The following KCNS3 variants were observed in gnomAD, a reference collection of about 807,000 sequenced individuals.
KCNS3 encodes the protein potassium voltage-gated channel modifier subfamily S member 3.
A neutral mutation model predicts 31.0 loss-of-function variants in KCNS3; 13 were observed. The observed-to-expected ratio is 0.42, with a 90% CI of 0.27 to 0.67. The LOEUF (loss-of-function observed/expected upper bound fraction) is 0.67, where lower values mean the gene tolerates loss of function less well. Among genes scored for constraint, KCNS3 ranks in the 30% least tolerant of loss-of-function variants. The pLI is 0.25. For synonymous variants in KCNS3, 238 were observed against 241.5 expected (o/e 0.99, Z 0.13); for missense variants, 545 against 622.4 (o/e 0.88, Z 1.32).
intron 1 of KCNS3, among the ~76,000 whole-genome samples, chr2:17,916,233 T>C (rs1465654742): frequency 2.0e-5 from 3 of 152,280 alleles, no homozygotes; most frequent in Non-Finnish European, 4.4e-5. Context: ...AAAGGAAAAC[T>C]ATGTGTGTGC....
chr2:17,927,686 T>G (rs1187653245), intron 2 of KCNS3, among the ~76,000 whole-genome samples: 2 of 152,134 alleles, frequency 1.3e-5, no homozygotes, highest in African/African-American at 4.8e-5. Flanking sequence ...AAGAACAGCA[T>G]GGGGAAACCA....
At chr2:17,879,540 C>CTT (rs34167571) in intron 1 of KCNS3, 27 of 147,606 alleles carry the variant, frequency 1.8e-4, no homozygotes, top group Admixed American at 4.0e-4. Flanking sequence ...AGGAACTCCT[C>CTT]TTTTTTTTTT....
chr2:17,929,480 T>C (rs1053899803), intron 2 of KCNS3, among the ~76,000 whole-genome samples: 1 of 152,182 alleles, frequency 6.6e-6, no homozygotes, highest in African/African-American at 2.4e-5. Flanking sequence ...TGGGGGATGA[T>C]GCTAAGCCAT....
At chr2:17,886,827 G>A (rs1239088345) in intron 1 of KCNS3, among the ~76,000 whole-genome samples, 2 of 151,172 alleles carry the variant, frequency 1.3e-5, no homozygotes, top group Non-Finnish European at 2.9e-5. Context: ...AAGGTATCAG[G>A]GTCCCCATGC....
At chr2:17,907,873 C>G (rs1354750958) in intron 1 of KCNS3, among the ~76,000 whole-genome samples, 2 of 152,222 alleles carry the variant, frequency 1.3e-5, no homozygotes, top group African/African-American at 4.8e-5. Context: ...CCCGACCTTT[C>G]TCTCTGGCTG....
At chr2:17,907,213 A>C (rs529648075) in intron 1 of KCNS3, among the ~76,000 whole-genome samples, 1 of 152,292 alleles carries the variant, frequency 6.6e-6, no homozygotes, top group Admixed American at 6.5e-5. Context: ...CCATTATGTA[A>C]TGGCCTTCTT....
intron 1 of KCNS3, among the ~76,000 whole-genome samples, chr2:17,881,671 A>G (rs1001393693): frequency 2.6e-5 from 4 of 152,230 alleles, no homozygotes; most frequent in African/African-American, 9.6e-5. Flanking sequence ...CTAGGATTCT[A>G]TCCCTTGCAG....
Position 17,931,012 on chromosome 2 carries a change from G to GAT in KCNS3, c.4_5insAT (p.Val2AspfsTer19). 1 of 1,612,938 alleles carries GAT rather than the reference G, an allele frequency of 6.2e-7. No individual in the cohort carries two copies. Among genetic ancestry groups the GAT allele is most frequent in the Non-Finnish European group, 8.5e-7 (1 of 1,179,330 alleles). On this transcript the variant is annotated frameshift_variant, in exon 3 of 3. Transcript: ENST00000304101. LOFTEE classifies it high-confidence loss of function. This position sits in a 1 kb window ranked among gnomAD's most constrained non-coding sequence, Gnocchi z 5.4. ...CACTCTGCCTTCTGTATCCACCATG[G>GAT]TGTTTGGTGAGTTTTTCCATCGCCC...
chr2:17,903,407 TAAAG>T (rs1330395166), intron 1 of KCNS3, among the ~76,000 whole-genome samples: 2 of 151,914 alleles, frequency 1.3e-5, no homozygotes, highest in African/African-American at 4.8e-5. Flanking sequence ...GGATTAAAAA[TAAAG>T]CAAGGAAGGG....
intron 1 of KCNS3, among the ~76,000 whole-genome samples, chr2:17,893,680 C>A (rs958264364): frequency 1.3e-5 from 2 of 152,156 alleles, no homozygotes; most frequent in Non-Finnish European, 2.9e-5. Flanking sequence ...TGCAAACAGA[C>A]CTTCAGCTTC....
chr2:17,912,140 T>TACA (rs1326187438), intron 1 of KCNS3, among the ~76,000 whole-genome samples: 1 of 152,256 alleles, frequency 6.6e-6, no homozygotes, highest in Non-Finnish European at 1.5e-5. Context: ...AACAACCTTG[T>TACA]ACATGCATCT....
rs1360645413 is a variant in KCNS3 at position 17,917,849 on chromosome 2, C to G, written c.-82C>G. The G allele has an allele frequency of 6.5e-6, 1 of 152,746 alleles. No individual in the cohort carries two copies. The highest frequency in any genetic ancestry group is 1.5e-5 in the Non-Finnish European group (1 of 68,106). 9.5% of individuals were successfully genotyped at this position (152,746 alleles called of 1,614,324 possible). ...CCCACCGGGCAGGATGAAGGCAGAGCGTGTGGCATCTCCACCTCAAGGGTA... is the reference window on the plus strand; with the variant it reads ...CCCACCGGGCAGGATGAAGGCAGAGGGTGTGGCATCTCCACCTCAAGGGTA... On this transcript the variant is annotated 5_prime_UTR_variant, in exon 2 of 3. Coordinates refer to ENST00000304101, the MANE Select transcript of KCNS3 (RefSeq NM_002252.5).
chr2:17,932,636 G>A lies in KCNS3; in HGVS notation c.*152G>A. 2.6e-6 allele frequency: 2 copies of A among 772,124 alleles called. No individual in the cohort carries two copies. The highest frequency in any genetic ancestry group is 4.1e-6 in the Non-Finnish European group (2 of 493,314). 47.8% of individuals were successfully genotyped at this position (772,124 alleles called of 1,614,324 possible). ...TTCATTGCTGAATTCTGAAATGATA[G>A]AATTGTCTTTATTTTTCTCTGTGAG... On this transcript the variant is annotated 3_prime_UTR_variant, in exon 3 of 3. Transcript: ENST00000304101.
chr2:17,925,602 G>C (rs1318863510), intron 2 of KCNS3, among the ~76,000 whole-genome samples: 1 of 152,214 alleles, frequency 6.6e-6, no homozygotes, highest in East Asian at 1.9e-4. Flanking sequence ...TGGCAGGCAA[G>C]AGAGAGTGGC....
intron 1 of KCNS3, among the ~76,000 whole-genome samples, chr2:17,899,141 G>A (rs940367655): frequency 6.6e-6 from 1 of 152,138 alleles, no homozygotes; most frequent in Non-Finnish European, 1.5e-5. Context: ...CAGGAGCATC[G>A]CTTGAACCCG....
Position 17,894,652 on chromosome 2 carries a change from G to A in KCNS3, c.-252+15846G>A, listed in dbSNP as rs571019519. Among the ~76,000 whole-genome samples the A allele has an allele frequency of 5.9e-5, 9 of 152,218 alleles. No individual in the cohort carries two copies. In the South Asian group the frequency reaches 6.2e-4, roughly 10 times the overall value. ...CACGTTTTACTCCAGATTGCCTGGG[G>A]TTTGTTTTTCCCAAGTGTGCATTTG... On this transcript the variant is annotated intron_variant, in intron 1 of 2. Transcript: ENST00000304101.
chr2:17,929,910 A>G (rs1024453955), intron 2 of KCNS3, among the ~76,000 whole-genome samples: 1 of 152,188 alleles, frequency 6.6e-6, no homozygotes, highest in African/African-American at 2.4e-5. Context: ...TGTTGGAAGG[A>G]CTGAATGACA....
At chr2:17,917,513 G>A (rs1377039159) in intron 1 of KCNS3, among the ~76,000 whole-genome samples, 167 bp from the exon 2 acceptor site, 1 of 152,188 alleles carries the variant, frequency 6.6e-6, no homozygotes, top group Non-Finnish European at 1.5e-5. Context: ...CAATGGCAGT[G>A]ATGGTTCCAC....
At chr2:17,916,491 A>G (rs1662588823) in intron 1 of KCNS3, among the ~76,000 whole-genome samples, 1 of 152,156 alleles carries the variant, frequency 6.6e-6, no homozygotes, top group Admixed American at 6.5e-5. Context: ...TTATAAGTTC[A>G]GTTTGGGTGG....
Sources: gnomAD v4.1 joint callset for allele counts (sites outside exome capture counted in the v4.1 genomes callset) on GRCh38, gnomAD v4.1.1 for gene constraint, Gnocchi (gnomAD v3.1) non-coding constraint, MANE v1.5 for transcripts, NCBI Gene and HGNC (gene_info 2026-07-23, HGNC 2026-07-21) for gene names.